Variants in CD96 observed in about 807,000 individuals in gnomAD.
CD96 encodes CD96 molecule, also known as T-cell surface protein tactile.
A neutral mutation model predicts 71.3 loss-of-function variants in CD96; 70 were observed. The observed-to-expected ratio is 0.98, with a 90% CI of 0.81 to 1.20. The LOEUF is 1.20. CD96 is among the 50% of genes most tolerant of loss of function. The pLI is 0.00. For missense variants in CD96, 742 were observed against 677.5 expected, an observed-to-expected ratio of 1.10 and a Z score of -1.06; for synonymous variants, 248 against 233.0, an observed-to-expected ratio of 1.06 and a Z score of -0.59.
intron 13 of CD96, among the ~76,000 whole-genome samples, chr3:111,647,935 C>G (rs1939909988): frequency 6.6e-6 from 1 of 152,166 alleles, no homozygotes; most frequent in Admixed American, 6.5e-5. Context: ...GAAATGAGAA[C>G]TGAGCCTCAC....
chr3:111,573,154 T>A (rs1576335412), intron 3 of CD96, among the ~76,000 whole-genome samples: 1 of 152,250 alleles, frequency 6.6e-6, no homozygotes. Context: ...TCCCATCTTA[T>A]GCATTGGGAC....
intron 2 of CD96, among the ~76,000 whole-genome samples, chr3:111,546,978 G>A (rs1302693968): frequency 2.2e-5 from 3 of 138,516 alleles, no homozygotes; most frequent in African/African-American, 7.6e-5. Context: ...AGTGGAGTGG[G>A]ATTGAAGTAA....
At chr3:111,644,767 T>C (rs966066939) in intron 12 of CD96, among the ~76,000 whole-genome samples, 7 of 152,100 alleles carry the variant, frequency 4.6e-5, no homozygotes, top group Non-Finnish European at 1.0e-4. Flanking sequence ...TATGAAAAAA[T>C]GCTCAACATC....
At chr3:111,582,832 C>A (rs1000764883) in intron 4 of CD96, among the ~76,000 whole-genome samples, 2 of 152,148 alleles carry the variant, frequency 1.3e-5, no homozygotes, top group East Asian at 3.9e-4. Flanking sequence ...CCCACCAGGT[C>A]CCTTCTGGGA....
downstream of CD96, among the ~76,000 whole-genome samples, chr3:111,656,403 T>C (rs1038612112): frequency 3.9e-5 from 6 of 152,190 alleles, no homozygotes; most frequent in Non-Finnish European, 7.4e-5. Context: ...CATATACTGC[T>C]GAAGGGAGTG....
intron 3 of CD96, among the ~76,000 whole-genome samples, chr3:111,569,221 C>A (rs543996877): frequency 6.6e-6 from 1 of 152,278 alleles, no homozygotes; most frequent in Admixed American, 6.5e-5. Context: ...ACTTTAAATA[C>A]AACCTACTGA....
intron 14 of CD96, among the ~76,000 whole-genome samples, chr3:111,661,895 G>C (rs954587763): frequency 7.9e-5 from 12 of 152,246 alleles, no homozygotes; most frequent in African/African-American, 2.2e-4. Context: ...CCACTAGGCA[G>C]TGCCCCAGTG....
chr3:111,605,064 T>A (rs1937586715), intron 7 of CD96, among the ~76,000 whole-genome samples: 1 of 152,244 alleles, frequency 6.6e-6, no homozygotes, highest in Non-Finnish European at 1.5e-5. Context: ...ATCCACCAGC[T>A]GTCAGACACA....
chr3:111,578,932 T>C, intron 3 of CD96, 95 bp from the exon 4 acceptor site: 2 of 764,920 alleles, frequency 2.6e-6, no homozygotes, highest in Admixed American at 1.8e-5. Flanking sequence ...TCCTCTCTAC[T>C]TTACAAAAAG....
At chr3:111,623,990 C>A (rs572928880) in intron 9 of CD96, among the ~76,000 whole-genome samples, 168 bp downstream of exon 9, 1 of 152,284 alleles carries the variant, frequency 6.6e-6, no homozygotes, top group African/African-American at 2.4e-5. Context: ...ATTGATATGA[C>A]AATTTCTATA....
rs144245769 is a variant in CD96 at position 111,585,392 on chromosome 3, A to C, written c.807+14A>C. ...GTCTTGGTAGAGGTGAGTCACATAA[A>C]AGCCTTTGAAAATCTACAGTATTAC... is the stretch of plus-strand genomic sequence containing the variant. On this transcript the variant is annotated intron_variant, in intron 5 of 13. Transcript: ENST00000352690. 2.1e-3 allele frequency: 3,236 copies of C among 1,549,908 alleles called. 7 individuals carry two copies. The highest frequency in any genetic ancestry group is 5.4e-3 in the Admixed American group (323 of 59,920).
chr3:111,644,396 C>T (rs1939732191), intron 12 of CD96, among the ~76,000 whole-genome samples: 1 of 151,976 alleles, frequency 6.6e-6, no homozygotes, highest in Non-Finnish European at 1.5e-5. Context: ...TAGACATGAG[C>T]TCAGGCAAGG....
At chr3:111,634,234 A>G (rs1004753385) in intron 10 of CD96, 2 of 152,272 alleles carry the variant, frequency 1.3e-5, no homozygotes, top group African/African-American at 4.8e-5. Flanking sequence ...TGAACCTGTT[A>G]ACTTCAAGAG....
intron 2 of CD96, among the ~76,000 whole-genome samples, chr3:111,556,089 A>G (rs1935007525): frequency 6.6e-6 from 1 of 152,238 alleles, no homozygotes; most frequent in South Asian, 2.1e-4. Context: ...TGACATTTCA[A>G]CTCTAAAATA....
At chr3:111,614,877 T>G (rs1276570643) in intron 8 of CD96, among the ~76,000 whole-genome samples, 10 of 152,182 alleles carry the variant, frequency 6.6e-5, no homozygotes, top group African/African-American at 1.9e-4. Flanking sequence ...TGGTCTAAAG[T>G]GAAGGAGCGG....
At chr3:111,546,719 G>A (rs1934413690) in intron 2 of CD96, among the ~76,000 whole-genome samples, 1 of 152,062 alleles carries the variant, frequency 6.6e-6, no homozygotes, top group Non-Finnish European at 1.5e-5. Flanking sequence ...ATTAAAGGGG[G>A]CATAGAGCTG....
chr3:111,598,292 T>C lies in CD96; in HGVS notation c.898+82T>C. On this transcript the variant is annotated intron_variant, in intron 6 of 13. Coordinates refer to ENST00000352690, the MANE Select transcript of CD96 (RefSeq NM_005816.5). ...CATTAGAAATTGTCATTGCCCAAGT[T>C]GATCTTGGCATTTAAGAATGATTCT... 3 of 759,686 alleles carry C rather than the reference T, an allele frequency of 3.9e-6. No homozygotes were observed. In the Admixed American group the frequency reaches 5.3e-5, roughly 13 times the overall value. The allele number at this position is 759,686 out of a possible 1,614,324, so 47.1% of individuals were successfully genotyped here. A position where few individuals can be genotyped will look rare whatever the true frequency, so the allele number is the denominator to read the frequency against.
intron 12 of CD96, among the ~76,000 whole-genome samples, chr3:111,646,924 A>T (rs1157005374): frequency 2.6e-5 from 4 of 152,016 alleles, no homozygotes; most frequent in Non-Finnish European, 1.5e-5. Context: ...AGCAGCATGG[A>T]TGGAACTGGA....
In CD96 at chr3:111,567,373, G is replaced by T; in HGVS notation, c.419-150G>T. ...TCTGTTTAGCCACTTATACAATGAGGGCTATCGTGGGAGTTTGCCTCTCTT... is the reference window on the plus strand; with the variant it reads ...TCTGTTTAGCCACTTATACAATGAGTGCTATCGTGGGAGTTTGCCTCTCTT... On this transcript the variant is annotated intron_variant, in intron 2 of 13. Transcript: ENST00000352690. 4 of 651,032 alleles carry T rather than the reference G, an allele frequency of 6.1e-6. No individual in the cohort carries two copies. The South Asian group carries it at 7.0e-5, about 11-fold the overall frequency. 40.3% of individuals were successfully genotyped at this position (651,032 alleles called of 1,614,324 possible).
Sources: allele counts gnomAD v4.1 joint callset (sites outside exome capture counted in the v4.1 genomes callset), GRCh38; gene constraint gnomAD v4.1.1; transcripts MANE v1.5; gene names NCBI Gene and HGNC (gene_info 2026-07-23, HGNC 2026-07-21).